The following VPS54 variants were observed in gnomAD, a reference collection of about 807,000 sequenced individuals.
The protein encoded by VPS54 is VPS54 subunit of GARP complex, also known as vacuolar protein sorting-associated protein 54.
A neutral mutation model predicts 121.5 loss-of-function variants in VPS54; 45 were observed. The observed-to-expected ratio is 0.37, with a 90% CI of 0.29 to 0.47. VPS54 has a LOEUF of 0.47. Ranked by LOEUF, VPS54 falls within the 20% of genes least tolerant of loss-of-function variation. The pLI is 0.99. For missense variants in VPS54, 1,090 were observed against 1,131.4 expected (o/e 0.96, Z 0.52); for synonymous variants, 371 against 385.8 (o/e 0.96, Z 0.45).
In VPS54 at chr2:63,893,408, T is replaced by C. The variant is rs773770947; in HGVS notation, c.*22A>G. On this transcript the variant is annotated 3_prime_UTR_variant, in exon 23 of 23. Coordinates refer to ENST00000272322, the MANE Select transcript of VPS54 (RefSeq NM_016516.3). ...AAACACATCCCATGGTCAGATGAACTACCCAGTTTTCCAGGATGACATCAC... is the reference window on the plus strand; with the variant it reads ...AAACACATCCCATGGTCAGATGAACCACCCAGTTTTCCAGGATGACATCAC... 9 of 1,590,712 alleles carry C rather than the reference T, an allele frequency of 5.7e-6. No homozygotes were observed. The highest frequency in any genetic ancestry group is 6.9e-6 in the Non-Finnish European group (8 of 1,158,924).
chr2:63,940,402 TATA>T (rs1396946052), intron 11 of VPS54, among the ~76,000 whole-genome samples: 2 of 152,322 alleles, frequency 1.3e-5, no homozygotes, highest in East Asian at 3.9e-4. Context: ...AAATTACAAC[TATA>T]ATCAATCAGT....
chr2:63,913,334 C>T, intron 17 of VPS54, 24 bp from the exon 18 acceptor site: 1 of 1,574,590 alleles, frequency 6.4e-7, no homozygotes, highest in Non-Finnish European at 8.7e-7. Context: ...GAGAAAAAAA[C>T]CCCAAAATTT....
chr2:63,921,423 G>C, intron 12 of VPS54, 88 bp from the exon 13 acceptor site: 1 of 1,424,072 alleles, frequency 7.0e-7, no homozygotes, highest in African/African-American at 1.4e-5. Context: ...GGATGAAAAA[G>C]CTGTAAAATT....
intron 9 of VPS54, among the ~76,000 whole-genome samples, chr2:63,946,791 T>G (rs941599344): frequency 4.6e-5 from 7 of 152,108 alleles, no homozygotes; most frequent in Non-Finnish European, 4.4e-5. Context: ...TGAACATTTG[T>G]CTACTGCTGA....
intron 6 of VPS54, among the ~76,000 whole-genome samples, chr2:63,964,388 C>G: frequency 6.6e-6 from 1 of 152,180 alleles, no homozygotes; most frequent in East Asian, 1.9e-4. Context: ...AGTTTACTTC[C>G]TATTAAAATG....
In VPS54 at chr2:63,980,295, T is replaced by C. The variant is rs1336243456; in HGVS notation, c.378+1351A>G. Among the ~76,000 whole-genome samples, 5 of 152,278 alleles carry C rather than the reference T, an allele frequency of 3.3e-5. No homozygotes were observed. The South Asian group carries it at 1.0e-3, about 32-fold the overall frequency. ...GCTTTCTTCTGACTACTGTTAAGCA[T>C]GGTATATATTTTTTCCTCCTTTCAA... On this transcript the variant is annotated intron_variant, in intron 3 of 22. Coordinates refer to ENST00000272322, the MANE Select transcript of VPS54 (RefSeq NM_016516.3).
At chr2:63,898,730 A>G (rs1380970812) in intron 21 of VPS54, among the ~76,000 whole-genome samples, 2 of 152,138 alleles carry the variant, frequency 1.3e-5, no homozygotes, top group African/African-American at 4.8e-5. Context: ...TTAATATTAT[A>G]CCATTTATTC....
chr2:63,925,913 T>C (rs546156714), intron 12 of VPS54, among the ~76,000 whole-genome samples: 4 of 152,250 alleles, frequency 2.6e-5, no homozygotes, highest in Non-Finnish European at 5.9e-5. Context: ...ACATTCACTT[T>C]GTGCTAGTTA....
chr2:63,912,350 A>AAT lies in VPS54; in HGVS notation c.2619_2620insAT (p.Ser874IlefsTer6), dbSNP rs1673185189. 1 of 1,607,210 alleles carries AAT rather than the reference A, an allele frequency of 6.2e-7. No homozygotes were observed. Among genetic ancestry groups the AAT allele is most frequent in the Non-Finnish European group, 8.5e-7 (1 of 1,176,362 alleles). On this transcript the variant is annotated frameshift_variant, in exon 20 of 23. Transcript: ENST00000272322. LOFTEE classifies it high-confidence loss of function. ...TAATTTCTATAAATCATTACCTTAG[A>AAT]TAACAGCTTGTCAAATAAGCTATCC...
At chr2:63,962,533 A>T in intron 6 of VPS54, 90 bp from the exon 7 acceptor site, 2 of 1,405,238 alleles carry the variant, frequency 1.4e-6, no homozygotes, top group Non-Finnish European at 9.5e-7. Context: ...AAAGATTTCT[A>T]CATATACTTT....
chr2:63,953,536 C>A (rs1333742909), intron 7 of VPS54, among the ~76,000 whole-genome samples: 4 of 152,002 alleles, frequency 2.6e-5, no homozygotes, highest in Non-Finnish European at 4.4e-5. Flanking sequence ...TTTTTTTTCA[C>A]CTTTCAAGAG....
intron 7 of VPS54, among the ~76,000 whole-genome samples, chr2:63,960,754 T>A (rs1675732083): frequency 6.6e-6 from 1 of 152,116 alleles, no homozygotes; most frequent in African/African-American, 2.4e-5. Context: ...GACATACAAA[T>A]TCAAAGATAA....
intron 1 of VPS54, among the ~76,000 whole-genome samples, chr2:63,985,996 TAA>T: frequency 6.6e-6 from 1 of 152,324 alleles, no homozygotes; most frequent in South Asian, 2.1e-4. Flanking sequence ...TACTAAGTGA[TAA>T]AGACAATTCT....
At chr2:63,951,768 T>C (rs1037375466) in intron 7 of VPS54, among the ~76,000 whole-genome samples, 30 of 152,278 alleles carry the variant, frequency 2.0e-4, no homozygotes, top group African/African-American at 6.7e-4. Flanking sequence ...TTTTCAACTT[T>C]CACAAATCTC....
intron 3 of VPS54, among the ~76,000 whole-genome samples, 167 bp downstream of exon 3, chr2:63,981,479 A>G (rs1575986024): frequency 6.6e-6 from 1 of 152,200 alleles, no homozygotes; most frequent in South Asian, 2.1e-4. Flanking sequence ...GTATTAAAAT[A>G]TATTTAAGCA....
intron 15 of VPS54, among the ~76,000 whole-genome samples, chr2:63,917,166 A>G (rs1673425735): frequency 6.6e-6 from 1 of 152,082 alleles, no homozygotes; most frequent in South Asian, 2.1e-4. Context: ...CAGTACTACC[A>G]ATTACTGGAT....
chr2:64,019,289 C>G lies in VPS54; in HGVS notation c.-372G>C, dbSNP rs545650891. ...CCCCGGCCTCCAGGGGAGCCGCCGC[C>G]GCCGCGCCACGACCACTGCCTCTAG... On this transcript the variant is annotated 5_prime_UTR_variant, in exon 1 of 23. Transcript: ENST00000272322. 6.6e-6 allele frequency among the ~76,000 whole-genome samples: 1 copy of G among 150,642 alleles called. No homozygotes were observed. Among genetic ancestry groups the G allele is most frequent in the African/African-American group, 2.4e-5 (1 of 41,330 alleles).
chr2:63,921,364 G>T, intron 12 of VPS54, 29 bp from the exon 13 acceptor site: 1 of 1,606,528 alleles, frequency 6.2e-7, no homozygotes, highest in African/African-American at 1.3e-5. Context: ...GATTTAGTCA[G>T]GGAAAGTTGT....
intron 7 of VPS54, among the ~76,000 whole-genome samples, chr2:63,960,603 A>G (rs766177219): frequency 2.4e-4 from 36 of 152,178 alleles, no homozygotes; most frequent in Non-Finnish European, 4.0e-4. Context: ...TGTACTATCT[A>G]TGGGATACTG....
Sources: allele counts gnomAD v4.1 joint callset (sites outside exome capture counted in the v4.1 genomes callset), GRCh38; gene constraint gnomAD v4.1.1; transcripts MANE v1.5; gene names NCBI Gene and HGNC (gene_info 2026-07-23, HGNC 2026-07-21).